Variants in CACNB2 observed in about 807,000 individuals in gnomAD.
CACNB2 encodes calcium voltage-gated channel auxiliary subunit beta 2.
In CACNB2, 42 loss-of-function variants were observed where a neutral mutation model predicts 73.3. The observed-to-expected ratio is 0.57, with a 90% CI of 0.45 to 0.74. The LOEUF (loss-of-function observed/expected upper bound fraction) is 0.74. CACNB2 is among the 30% of genes least tolerant of loss of function. CACNB2 has a pLI of 0.00. For missense variants in CACNB2, 940 were observed against 853.0 expected, an observed-to-expected ratio of 1.10 and a Z score of -1.27; for synonymous variants, 348 against 310.3, an observed-to-expected ratio of 1.12 and a Z score of -1.28.
chr10:18,395,311 C>T (rs961261781), intron 2 of CACNB2, among the ~76,000 whole-genome samples: 3 of 152,094 alleles, frequency 2.0e-5, no homozygotes, highest in Non-Finnish European at 2.9e-5. Context: ...TTTCTTTCAT[C>T]GTTTAGATTT....
chr10:18,147,610 G>A (rs1309485445), intron 1 of CACNB2, among the ~76,000 whole-genome samples: 1 of 152,206 alleles, frequency 6.6e-6, no homozygotes, highest in South Asian at 2.1e-4. Context: ...AACTGTTTCA[G>A]ATATTGGGCG....
chr10:18,285,346 T>A (rs2038741142), intron 2 of CACNB2, among the ~76,000 whole-genome samples: 1 of 152,196 alleles, frequency 6.6e-6, no homozygotes, highest in Non-Finnish European at 1.5e-5. Context: ...TGCTGTCTCT[T>A]GGAACCCAGA....
At chr10:18,538,450 C>T in intron 13 of CACNB2, 85 bp downstream of exon 13, 2 of 1,173,006 alleles carry the variant, frequency 1.7e-6, no homozygotes, top group African/African-American at 1.5e-5. Context: ...GATCCAAGCC[C>T]AGTAGCCTGC....
At chr10:18,237,616 C>T (rs1379249085) in intron 2 of CACNB2, among the ~76,000 whole-genome samples, 2 of 152,194 alleles carry the variant, frequency 1.3e-5, no homozygotes, top group Non-Finnish European at 2.9e-5. Context: ...TCCTATGGTG[C>T]ATAGCTGTGG....
intron 3 of CACNB2, among the ~76,000 whole-genome samples, chr10:18,423,429 C>T (rs1304724471): frequency 2.6e-5 from 4 of 152,218 alleles, no homozygotes; most frequent in Non-Finnish European, 4.4e-5. Flanking sequence ...AGAATTCCCC[C>T]TGTAGGAAGC....
At chr10:18,301,501 G>A in intron 2 of CACNB2, among the ~76,000 whole-genome samples, 1 of 151,924 alleles carries the variant, frequency 6.6e-6, no homozygotes, top group East Asian at 2.0e-4. Context: ...AGGCTGAGGT[G>A]GGAGGATCAT....
At chr10:18,269,357 T>C (rs532199849) in intron 2 of CACNB2, among the ~76,000 whole-genome samples, 1 of 152,216 alleles carries the variant, frequency 6.6e-6, no homozygotes, top group Non-Finnish European at 1.5e-5. Flanking sequence ...ACTTCTGTGA[T>C]ACCACATTCT....
intron 2 of CACNB2, among the ~76,000 whole-genome samples, chr10:18,387,422 A>G (rs1200000226): frequency 1.3e-5 from 2 of 152,058 alleles, no homozygotes; most frequent in African/African-American, 4.8e-5. Flanking sequence ...TTCTTCCCTC[A>G]TGTCCACTGG....
At chr10:18,524,587 G>A (rs1189800206) in intron 9 of CACNB2, among the ~76,000 whole-genome samples, 2 of 150,592 alleles carry the variant, frequency 1.3e-5, no homozygotes, top group South Asian at 2.1e-4. Context: ...CCCAGGAGGC[G>A]GAGATTGCAG....
chr10:18,341,052 C>A, intron 2 of CACNB2: 1 of 1,451,918 alleles, frequency 6.9e-7, no homozygotes, highest in South Asian at 1.1e-5. Flanking sequence ...GAACTGTTGC[C>A]GAGCTTGAGC....
intron 2 of CACNB2, among the ~76,000 whole-genome samples, chr10:18,321,841 A>T (rs949640772): frequency 6.6e-5 from 10 of 152,032 alleles, no homozygotes; most frequent in African/African-American, 2.4e-4. Flanking sequence ...TTTGGGATTC[A>T]TGGGTTGTTG....
At position 18,512,099 on chromosome 10, in the gene CACNB2, T is replaced by C. The variant is rs116172647; in HGVS notation, c.671-2137T>C. ...AAGTGAGATTATGCATCTTTTTTTCTTGTAACACTTTTTAAGTACTATATT... is the reference window on the plus strand; with the variant it reads ...AAGTGAGATTATGCATCTTTTTTTCCTGTAACACTTTTTAAGTACTATATT... On this transcript the variant is annotated intron_variant, in intron 6 of 13. Coordinates refer to ENST00000324631, the MANE Select transcript of CACNB2 (RefSeq NM_201596.3). Among the ~76,000 whole-genome samples the C allele has an allele frequency of 4.8e-3, 731 of 152,346 alleles. 5 individuals carry two copies. The highest frequency in any genetic ancestry group is 0.016 in the African/African-American group (684 of 41,580).
chr10:18,401,234 A>G, intron 2 of CACNB2: 1 of 1,072,270 alleles, frequency 9.3e-7, no homozygotes, highest in Middle Eastern at 2.0e-4. Flanking sequence ...GAAGCTAGGG[A>G]GATTCCTCTC....
chr10:18,195,476 C>T (rs749765681), intron 2 of CACNB2, among the ~76,000 whole-genome samples: 14 of 152,178 alleles, frequency 9.2e-5, no homozygotes, highest in Non-Finnish European at 1.9e-4. Context: ...GGTGGGTCAA[C>T]GAGATTCACT....
At chr10:18,453,415 C>T (rs1216919213) in intron 3 of CACNB2, among the ~76,000 whole-genome samples, 1 of 152,148 alleles carries the variant, frequency 6.6e-6, no homozygotes, top group Non-Finnish European at 1.5e-5. Flanking sequence ...CTCCCTCCAT[C>T]GCCTCCACAG....
chr10:18,415,092 G>T (rs1417591887), intron 3 of CACNB2, among the ~76,000 whole-genome samples: 1 of 152,198 alleles, frequency 6.6e-6, no homozygotes, highest in East Asian at 1.9e-4. Context: ...AGATGTGGTG[G>T]TTTCTTCCTC....
Position 18,401,966 on chromosome 10 carries a change from G to A in CACNB2, c.256G>A (p.Val86Ile). The A allele has an allele frequency of 1.2e-6, 2 of 1,614,034 alleles. No individual in the cohort carries two copies. Among genetic ancestry groups the A allele is most frequent in the Non-Finnish European group, 1.7e-6 (2 of 1,179,886 alleles). The change falls in exon 3 of 14, where the codon GTA (valine) becomes ATA (isoleucine). Residue 86 changes from valine to isoleucine, a missense_variant. Physicochemically the swap from Val to Ile is conservative, Grantham distance 29 (BLOSUM62 3). Coordinates refer to ENST00000324631, the MANE Select transcript of CACNB2 (RefSeq NM_201596.3). Reference protein sequence around the residue: ...SYTSRPSDSDVSLEEDREAVR... With the variant: ...SYTSRPSDSDISLEEDREAVR... ...CACTAGCCGTCCATCCGATTCCGAT[G>A]TATCTCTGGAGGAGGACCGGGAGGC... is the stretch of plus-strand genomic sequence containing the variant.
intron 2 of CACNB2, among the ~76,000 whole-genome samples, chr10:18,236,949 G>T (rs2036468789): frequency 6.6e-6 from 1 of 152,208 alleles, no homozygotes; most frequent in Non-Finnish European, 1.5e-5. Context: ...AAACTGCAGA[G>T]AATTATGTTC....
intron 12 of CACNB2, among the ~76,000 whole-genome samples, chr10:18,536,516 TCTTCC>T (rs1335147482): frequency 8.6e-5 from 13 of 151,690 alleles, no homozygotes; most frequent in Admixed American, 3.3e-4. Context: ...CCTGCCTTGG[TCTTCC>T]AAAGTGCTAG....
Sources: gnomAD v4.1 joint callset for allele counts (sites outside exome capture counted in the v4.1 genomes callset) on GRCh38, gnomAD v4.1.1 for gene constraint, MANE v1.5 for transcripts, NCBI Gene and HGNC (gene_info 2026-07-23, HGNC 2026-07-21) for gene names.